The following PRKN variants were observed in gnomAD, a reference collection of about 807,000 sequenced individuals.
PRKN encodes E3 ubiquitin-protein ligase parkin.
A neutral mutation model predicts 59.5 loss-of-function variants in PRKN; 56 were observed. The observed-to-expected ratio is 0.94, with a 90% confidence interval of 0.76 to 1.18. The LOEUF (loss-of-function observed/expected upper bound fraction) is 1.18. PRKN is among the 50% of genes most tolerant of loss of function. The pLI, the probability that PRKN is intolerant of heterozygous loss-of-function variation, is 0.00. For synonymous variants in PRKN, 250 were observed against 222.1 expected, an observed-to-expected ratio of 1.13 and a Z score of -1.12; for missense variants, 657 against 596.4, an observed-to-expected ratio of 1.10 and a Z score of -1.06.
At chr6:162,607,993 C>T (rs568798812) in intron 1 of PRKN, among the ~76,000 whole-genome samples, 8 of 152,292 alleles carry the variant, frequency 5.3e-5, no homozygotes, top group Admixed American at 5.2e-4. Context: ...AACATAGAGC[C>T]AATTTGTCCT....
intron 3 of PRKN, among the ~76,000 whole-genome samples, chr6:162,251,164 T>C (rs1407119898): frequency 6.6e-6 from 1 of 152,142 alleles, no homozygotes; most frequent in Non-Finnish European, 1.5e-5. Context: ...CTTTTTTAGT[T>C]AAAAACAGTA....
intron 5 of PRKN, among the ~76,000 whole-genome samples, chr6:161,977,752 T>C (rs1353772077): frequency 6.6e-6 from 1 of 151,288 alleles, no homozygotes; most frequent in Non-Finnish European, 1.5e-5. Flanking sequence ...TTTCACCATG[T>C]TAGCCAGGAT....
rs59133731 is a variant in PRKN at position 162,301,783 on chromosome 6, C to A, written c.172-39018G>T. On this transcript the variant is annotated intron_variant, in intron 2 of 11. Coordinates refer to ENST00000366898, the MANE Select transcript of PRKN (RefSeq NM_004562.3). ...ACTTCAGCAAATAAATTGGCCGGGG[C>A]GGGGGGGGGGTGCAGAATTCACTTT... 7.3e-4 allele frequency among the ~76,000 whole-genome samples: 16 copies of A among 21,800 alleles called. 1 individual carries two copies. The highest frequency in any genetic ancestry group is 1.2e-3 in the Non-Finnish European group (14 of 11,728). 14.3% of individuals were successfully genotyped at this position (21,800 alleles called of 152,430 possible).
At chr6:162,462,353 T>C (rs1215948382) in intron 1 of PRKN, among the ~76,000 whole-genome samples, 1 of 152,232 alleles carries the variant, frequency 6.6e-6, no homozygotes, top group Admixed American at 6.5e-5. Context: ...TTCACAAATG[T>C]GTGCTGTTAA....
intron 2 of PRKN, among the ~76,000 whole-genome samples, chr6:162,297,280 T>A (rs1781723638): frequency 1.3e-5 from 2 of 151,504 alleles, no homozygotes; most frequent in Admixed American, 6.6e-5. Flanking sequence ...TAGCTCTGGG[T>A]CCTTTTCAAC....
At chr6:162,339,513 G>A (rs1177092644) in intron 2 of PRKN, among the ~76,000 whole-genome samples, 2 of 142,632 alleles carry the variant, frequency 1.4e-5, no homozygotes, top group African/African-American at 2.6e-5. Flanking sequence ...CGGGAGGGAG[G>A]TGGGGGGGTC....
intron 1 of PRKN, among the ~76,000 whole-genome samples, chr6:162,612,352 G>A (rs914594921): frequency 2.6e-5 from 4 of 152,018 alleles, no homozygotes; most frequent in African/African-American, 9.7e-5. Flanking sequence ...AGGATGGAAT[G>A]TTGAGGTTCC....
intron 7 of PRKN, among the ~76,000 whole-genome samples, chr6:161,606,510 C>G (rs879330510): frequency 6.6e-5 from 10 of 152,082 alleles, no homozygotes; most frequent in Admixed American, 2.0e-4. Context: ...TAAAGCCTGA[C>G]TAAAATGATA....
rs1299314101 is a variant in PRKN, at chr6:161,584,089, T to C, written c.872-14673A>G. 6.6e-6 allele frequency among the ~76,000 whole-genome samples: 1 copy of C among 152,148 alleles called. No homozygotes were observed. The highest frequency in any genetic ancestry group is 1.5e-5 in the Non-Finnish European group (1 of 68,014). Reference sequence around the variant, plus strand: ...GAGTATTAGAGACACAACCCTCCCCTCCTTGGTTGTATGTGTATTCATCTC... The same window carrying C: ...GAGTATTAGAGACACAACCCTCCCCCCCTTGGTTGTATGTGTATTCATCTC... On this transcript the variant is annotated intron_variant, in intron 7 of 11. Transcript: ENST00000366898. The surrounding 1 kb of genome is among the most constrained non-coding windows in gnomAD (Gnocchi z 4.8).
At chr6:161,680,963 A>G (rs961855059) in intron 7 of PRKN, among the ~76,000 whole-genome samples, 1 of 151,536 alleles carries the variant, frequency 6.6e-6, no homozygotes, top group African/African-American at 2.4e-5. Context: ...AAAATTTTTT[A>G]AATTTTTTAT....
rs1278153092 is a variant in PRKN at position 161,353,601 on chromosome 6, C to A, written c.1286-3390G>T. Among the ~76,000 whole-genome samples, 1 of 152,216 alleles carries A rather than the reference C, an allele frequency of 6.6e-6. No homozygotes were observed. The highest frequency in any genetic ancestry group is 1.9e-4 in the East Asian group (1 of 5,194). Reference sequence around the variant, plus strand: ...TCCGCGACCCTTCCCCCATACCTCGCCCTCTGCATCTCTTCATCTGTATCT... The same window carrying A: ...TCCGCGACCCTTCCCCCATACCTCGACCTCTGCATCTCTTCATCTGTATCT... On this transcript the variant is annotated intron_variant, in intron 11 of 11. Transcript: ENST00000366898. The surrounding 1 kb of genome is among the most constrained non-coding windows in gnomAD (Gnocchi z 4.8).
intron 1 of PRKN, among the ~76,000 whole-genome samples, chr6:162,716,737 G>A (rs896044245): frequency 4.6e-5 from 7 of 151,220 alleles, no homozygotes; most frequent in Non-Finnish European, 8.8e-5. Context: ...TCATCAACTA[G>A]TCCATACACC....
At chr6:161,960,852 G>A (rs909010059) in intron 6 of PRKN, among the ~76,000 whole-genome samples, 3 of 152,112 alleles carry the variant, frequency 2.0e-5, no homozygotes, top group African/African-American at 4.8e-5. Flanking sequence ...AGGAACAAAG[G>A]GAAGGAGAAT....
intron 7 of PRKN, among the ~76,000 whole-genome samples, chr6:161,760,868 T>C (rs1789170000): frequency 1.3e-5 from 2 of 152,230 alleles, no homozygotes; most frequent in South Asian, 4.1e-4. Context: ...CACCCGCACA[T>C]ATCTAAACTG....
Position 161,801,669 on chromosome 6 carries a change from G to T in PRKN, c.735-15761C>A, listed in dbSNP as rs58803073. 3.3e-3 allele frequency among the ~76,000 whole-genome samples: 504 copies of T among 152,228 alleles called. 1 individual carries two copies. Among genetic ancestry groups the T allele is most frequent in the African/African-American group, 0.012 (487 of 41,520 alleles). ...TATGAAAATAATCGAACGGGCCTTAGATCAGCCGGTTTTAACCTTCCATCT... is the reference window on the plus strand; with the variant it reads ...TATGAAAATAATCGAACGGGCCTTATATCAGCCGGTTTTAACCTTCCATCT... On this transcript the variant is annotated intron_variant, in intron 6 of 11. Coordinates refer to ENST00000366898, the MANE Select transcript of PRKN (RefSeq NM_004562.3).
chr6:162,467,409 C>A lies in PRKN; in HGVS notation c.8-23936G>T, dbSNP rs144118605. ...ATTACTTAACATCAGTGACTGCCCC[C>A]ACTCCACCCGCTCCTCATCCAGCCT... On this transcript the variant is annotated intron_variant, in intron 1 of 11. Coordinates refer to ENST00000366898, the MANE Select transcript of PRKN (RefSeq NM_004562.3). 2.9e-3 allele frequency among the ~76,000 whole-genome samples: 445 copies of A among 152,186 alleles called. 4 individuals are homozygous for A. The highest frequency in any genetic ancestry group is 9.9e-3 in the African/African-American group (410 of 41,534).
At chr6:161,736,954 G>C (rs1787989064) in intron 7 of PRKN, among the ~76,000 whole-genome samples, 1 of 152,198 alleles carries the variant, frequency 6.6e-6, no homozygotes, top group Admixed American at 6.5e-5. Flanking sequence ...TCTGGTTTGT[G>C]TGAGTCGGAG....
chr6:161,852,103 T>A (rs1309536077), intron 6 of PRKN, among the ~76,000 whole-genome samples: 10 of 120,406 alleles, frequency 8.3e-5, no homozygotes, highest in East Asian at 2.7e-4. Flanking sequence ...AAAAAAAAAA[T>A]TAATTGTTAC....
chr6:161,978,240 G>A (rs1339176781), intron 5 of PRKN, among the ~76,000 whole-genome samples: 1 of 151,984 alleles, frequency 6.6e-6, no homozygotes. Context: ...TAGTAGAGAT[G>A]GGGTTTCACC....
Sources: gnomAD v4.1 joint callset for allele counts (sites outside exome capture counted in the v4.1 genomes callset) on GRCh38, gnomAD v4.1.1 for gene constraint, Gnocchi (gnomAD v3.1) non-coding constraint, MANE v1.5 for transcripts, NCBI Gene and HGNC (gene_info 2026-07-23, HGNC 2026-07-21) for gene names.